Variants in MAML2 observed in about 807,000 individuals in gnomAD.
MAML2 encodes the protein mastermind-like protein 2.
In MAML2, 22 loss-of-function variants were observed where a neutral mutation model predicts 96.1. That is an observed-to-expected ratio of 0.23 (90% CI 0.16 to 0.33). The LOEUF (loss-of-function observed/expected upper bound fraction) is 0.33, where lower values mean the gene tolerates loss of function less well. Among genes scored for constraint, MAML2 ranks in the 10% least tolerant of loss-of-function variants. MAML2 has a pLI of 1.00. For missense variants in MAML2, 1,367 were observed against 1,392.4 expected (o/e 0.98, Z 0.29); for synonymous variants, 561 against 521.3 (o/e 1.08, Z -1.04).
intron 1 of MAML2, among the ~76,000 whole-genome samples, chr11:96,201,809 C>T (rs1270228472): frequency 6.6e-6 from 1 of 151,482 alleles, no homozygotes; most frequent in Admixed American, 6.6e-5. Context: ...GTCCCAGCTA[C>T]TTGTGAGGCT....
At chr11:96,061,519 TTGTTAAAA>T (rs1859159227) in intron 2 of MAML2, among the ~76,000 whole-genome samples, 2 of 151,948 alleles carry the variant, frequency 1.3e-5, no homozygotes, top group Non-Finnish European at 2.9e-5. Flanking sequence ...AGTGCATCAA[TTGTTAAAA>T]TAGAGAGAAA....
At chr11:96,140,434 C>A (rs1860712264) in intron 1 of MAML2, among the ~76,000 whole-genome samples, 2 of 152,256 alleles carry the variant, frequency 1.3e-5, no homozygotes, top group Admixed American at 1.3e-4. Flanking sequence ...AAGGCACAGC[C>A]CTTCTGCCCA....
At chr11:96,277,504 T>A (rs2509001) in intron 1 of MAML2, among the ~76,000 whole-genome samples, 129,922 of 152,040 alleles carry the variant, frequency 0.85, 55,831 homozygotes, top group African/African-American at 0.93. Context: ...TAATCCCAGC[T>A]CTTTGGGAGG....
At chr11:96,033,449 C>T (rs1858650700) in intron 2 of MAML2, among the ~76,000 whole-genome samples, 1 of 152,222 alleles carries the variant, frequency 6.6e-6, no homozygotes. Context: ...ATGTTTAACA[C>T]ATAAATGAAT....
intron 2 of MAML2, among the ~76,000 whole-genome samples, chr11:96,054,437 A>T (rs1859031859): frequency 6.6e-6 from 1 of 152,182 alleles, no homozygotes; most frequent in Admixed American, 6.5e-5. Flanking sequence ...CAGCAGTTAT[A>T]CAGAACATGA....
In MAML2 at chr11:95,989,566, G is replaced by A. The variant is rs1464627364; in HGVS notation, c.2343+1954C>T. Among the ~76,000 whole-genome samples the A allele has an allele frequency of 2.6e-5, 4 of 152,256 alleles. No homozygotes were observed. The East Asian group carries it at 7.7e-4, about 29-fold the overall frequency. ...TAGTATTGATGGTAGTGATGAAAGT[G>A]TACCCAGTAAGTCAACCTTAGATTA... On this transcript the variant is annotated intron_variant, in intron 3 of 4. Coordinates refer to ENST00000524717, the MANE Select transcript of MAML2 (RefSeq NM_032427.4).
At chr11:96,194,612 T>C (rs1213965514) in intron 1 of MAML2, among the ~76,000 whole-genome samples, 1 of 152,326 alleles carries the variant, frequency 6.6e-6, no homozygotes, top group Admixed American at 6.5e-5. Context: ...ACAAGCAAAA[T>C]AACCACATTT....
chr11:96,314,973 T>C (rs1306303285), intron 1 of MAML2, among the ~76,000 whole-genome samples: 1 of 152,222 alleles, frequency 6.6e-6, no homozygotes, highest in Non-Finnish European at 1.5e-5. Flanking sequence ...GGCCAAACAT[T>C]TGTCCTACTC....
intron 1 of MAML2, among the ~76,000 whole-genome samples, chr11:96,337,931 C>A (rs989731470): frequency 6.6e-6 from 1 of 152,186 alleles, no homozygotes; most frequent in Non-Finnish European, 1.5e-5. Flanking sequence ...AGTGACTTGT[C>A]CTAGGTAACC....
chr11:96,200,846 A>G (rs936066410), intron 1 of MAML2, among the ~76,000 whole-genome samples: 2 of 152,224 alleles, frequency 1.3e-5, no homozygotes, highest in Non-Finnish European at 2.9e-5. Flanking sequence ...CAATGGTACC[A>G]TCTCTTAATC....
chr11:96,018,685 C>T (rs1858391679), intron 2 of MAML2, among the ~76,000 whole-genome samples: 1 of 152,220 alleles, frequency 6.6e-6, no homozygotes, highest in South Asian at 2.1e-4. Context: ...CAACCTCTGC[C>T]TCCCAGGTTC....
At chr11:96,249,056 C>T (rs185173403) in intron 1 of MAML2, among the ~76,000 whole-genome samples, 2 of 152,312 alleles carry the variant, frequency 1.3e-5, no homozygotes, top group African/African-American at 4.8e-5. Context: ...TTGAAAGTCA[C>T]CAATGACTTT....
At chr11:96,326,872 T>G (rs989918966) in intron 1 of MAML2, among the ~76,000 whole-genome samples, 1 of 152,184 alleles carries the variant, frequency 6.6e-6, no homozygotes, top group African/African-American at 2.4e-5. Flanking sequence ...GAATACAAAA[T>G]GTGCCAGGAA....
chr11:96,218,032 T>C (rs529140380), intron 1 of MAML2, among the ~76,000 whole-genome samples: 2 of 152,336 alleles, frequency 1.3e-5, no homozygotes, highest in African/African-American at 2.4e-5. Flanking sequence ...AAAGTACATT[T>C]CTCTGCAGAA....
chr11:96,024,168 C>T (rs1858479944), intron 2 of MAML2, among the ~76,000 whole-genome samples: 1 of 152,180 alleles, frequency 6.6e-6, no homozygotes, highest in African/African-American at 2.4e-5. Flanking sequence ...AAAATTTTCT[C>T]TCAGGGAAAG....
At chr11:96,240,557 C>CAAA (rs55659413) in intron 1 of MAML2, among the ~76,000 whole-genome samples, 4,285 of 51,018 alleles carry the variant, frequency 0.084, 856 homozygotes, top group African/African-American at 0.1. Context: ...GACTCCGTCT[C>CAAA]AAAAAAAAAA....
chr11:96,110,421 C>T (rs1041839140), intron 1 of MAML2, among the ~76,000 whole-genome samples: 7 of 152,186 alleles, frequency 4.6e-5, no homozygotes, highest in African/African-American at 1.7e-4. Context: ...TGTTCCTAGT[C>T]TTCCAAATTT....
At chr11:95,992,300 C>A (rs1857926118) in intron 2 of MAML2, among the ~76,000 whole-genome samples, 1 of 152,108 alleles carries the variant, frequency 6.6e-6, no homozygotes, top group South Asian at 2.1e-4. Flanking sequence ...GTTCCGCAGT[C>A]AACAATTCAG....
chr11:96,312,237 A>AAAAAAAAG (rs1863553131), intron 1 of MAML2, among the ~76,000 whole-genome samples: 2 of 150,676 alleles, frequency 1.3e-5, no homozygotes, highest in African/African-American at 2.4e-5. Context: ...AAAAAAAAAA[A>AAAAAAAAG]AAAAAAAGAA....
Sources: allele counts gnomAD v4.1 joint callset (sites outside exome capture counted in the v4.1 genomes callset), GRCh38; gene constraint gnomAD v4.1.1; transcripts MANE v1.5; gene names NCBI Gene and HGNC (gene_info 2026-07-23, HGNC 2026-07-21).